COL4A3: variants seen among roughly 807,000 people sequenced by gnomAD.
COL4A3 encodes collagen type IV alpha 3 chain, also known as collagen alpha-3(IV) chain.
COL4A3 carries 135 observed loss-of-function variants against 217.4 expected under a neutral mutation model. The observed-to-expected ratio is 0.62, with a 90% CI of 0.54 to 0.72. COL4A3 has a LOEUF of 0.72. COL4A3 is among the 30% of genes least tolerant of loss of function. COL4A3 has a pLI of 0.00. For missense variants in COL4A3, 1,868 were observed against 2,119.9 expected, an observed-to-expected ratio of 0.88 and a Z score of 2.33; for synonymous variants, 690 against 736.3, an observed-to-expected ratio of 0.94 and a Z score of 1.02.
At chr2:227,292,117 T>A (rs2072780499) in intron 37 of COL4A3, among the ~76,000 whole-genome samples, 1 of 152,222 alleles carries the variant, frequency 6.6e-6, no homozygotes, top group Non-Finnish European at 1.5e-5. Context: ...TTCAACAGTA[T>A]ATGTATGACT....
intron 3 of COL4A3, among the ~76,000 whole-genome samples, chr2:227,243,207 C>T (rs908223568): frequency 2.0e-5 from 3 of 152,048 alleles, no homozygotes; most frequent in African/African-American, 7.2e-5. Flanking sequence ...GCAGGCATTC[C>T]AGAAGATTAA....
At chr2:227,296,408 T>C (rs2073030663) in intron 41 of COL4A3, 2 of 612,002 alleles carry the variant, frequency 3.3e-6, no homozygotes, top group Non-Finnish European at 4.1e-6. Context: ...AAAACGGTCA[T>C]ACCTTAGGTT....
At chr2:227,216,909 C>T (rs781045784) in intron 1 of COL4A3, among the ~76,000 whole-genome samples, 9 of 152,180 alleles carry the variant, frequency 5.9e-5, no homozygotes, top group Non-Finnish European at 1.2e-4. Flanking sequence ...AGAAATTGCA[C>T]TTCTATAGAC....
At position 227,263,923 on chromosome 2, in the gene COL4A3, C is replaced by G; in HGVS notation, c.1294C>G (p.Pro432Ala). Reference sequence around the variant, plus strand: ...TGGTTCACCAGGTCTTCCAGGATCACCGGGACCTCCAGGACCGCCAGGTAA... The same window carrying G: ...TGGTTCACCAGGTCTTCCAGGATCAGCGGGACCTCCAGGACCGCCAGGTAA... ...CAGSPGLPGSPGPPGPPGDIV... is the reference protein window; with the variant it reads ...CAGSPGLPGSAGPPGPPGDIV... The change falls in exon 21 of 52, where the codon CCG (proline) becomes GCG (alanine). Residue 432 changes from proline (P) to alanine (A), a missense_variant. Pro to Ala is a conservative substitution (Grantham distance 27, BLOSUM62 -1). Transcript: ENST00000396578. 1 of 1,614,156 alleles carries G rather than the reference C, an allele frequency of 6.2e-7. No homozygotes were observed. The highest frequency in any genetic ancestry group is 8.5e-7 in the Non-Finnish European group (1 of 1,180,014).
chr2:227,202,346 G>C (rs188462619), intron 1 of COL4A3, among the ~76,000 whole-genome samples: 30 of 152,116 alleles, frequency 2.0e-4, no homozygotes, highest in Admixed American at 1.3e-3. Flanking sequence ...TCCAACTATA[G>C]GTGTTTCTTG....
In COL4A3 at chr2:227,164,949, G is replaced by A. The variant is rs974783506; in HGVS notation, c.87+136G>A. On this transcript the variant is annotated intron_variant, in intron 1 of 51. Transcript: ENST00000396578. This position sits in a 1 kb window ranked among gnomAD's most constrained non-coding sequence, Gnocchi z 4.8. ...CTAGTGGCGAGGCTGAGGGCTTCAC[G>A]CAGGTCCCGGGACAGGCAGCGAGCG... 11 of 1,104,996 alleles carry A rather than the reference G, an allele frequency of 1.0e-5. No individual in the cohort carries two copies. The African/African-American group carries it at 1.7e-4, about 17-fold the overall frequency. 68.4% of individuals were successfully genotyped at this position (1,104,996 alleles called of 1,614,324 possible). A position where few individuals can be genotyped will look rare whatever the true frequency, so the allele number is the denominator to read the frequency against.
intron 1 of COL4A3, among the ~76,000 whole-genome samples, chr2:227,202,559 A>G (rs991183113): frequency 8.0e-5 from 12 of 150,798 alleles, no homozygotes; most frequent in Non-Finnish European, 1.3e-4. Context: ...CTTGGCTAAC[A>G]CGGTGAAACC....
chr2:227,302,706 A>AAAAAAAAAAAAAC (rs2073346361), intron 43 of COL4A3, among the ~76,000 whole-genome samples: 1 of 140,834 alleles, frequency 7.1e-6, no homozygotes, highest in Non-Finnish European at 1.5e-5. Context: ...AAAAAAAAAA[A>AAAAAAAAAAAAAC]TCATTCTGGC....
At chr2:227,209,609 G>A (rs2067237904) in intron 1 of COL4A3, among the ~76,000 whole-genome samples, 1 of 152,170 alleles carries the variant, frequency 6.6e-6, no homozygotes, top group South Asian at 2.1e-4. Context: ...GGAGGCTGAG[G>A]TGGGTAGATC....
At chr2:227,304,819 A>C (rs1188415774) in intron 46 of COL4A3, among the ~76,000 whole-genome samples, 166 bp from the exon 47 acceptor site, 5 of 152,226 alleles carry the variant, frequency 3.3e-5, no homozygotes, top group African/African-American at 1.2e-4. Flanking sequence ...AGTGGGGCTA[A>C]CAAGTTAGGT....
chr2:227,285,675 G>A (rs550905603), intron 34 of COL4A3, among the ~76,000 whole-genome samples: 4 of 152,238 alleles, frequency 2.6e-5, no homozygotes, highest in Middle Eastern at 3.4e-3. Flanking sequence ...GAAATTTGGC[G>A]CTCACAGTAT....
intron 1 of COL4A3, among the ~76,000 whole-genome samples, chr2:227,209,102 T>C (rs2067215378): frequency 6.6e-6 from 1 of 152,194 alleles, no homozygotes; most frequent in Non-Finnish European, 1.5e-5. Context: ...ACACAAAACA[T>C]GACTTGAGAA....
intron 21 of COL4A3, chr2:227,265,151 A>T (rs932299345): frequency 2.0e-5 from 3 of 152,232 alleles, no homozygotes; most frequent in Non-Finnish European, 4.4e-5. Context: ...AGGTACTCAG[A>T]TATTTTTTGA....
At position 227,253,744 on chromosome 2, in the gene COL4A3, A is replaced by T; in HGVS notation, c.765+106A>T. The T allele has an allele frequency of 1.0e-6, 1 of 1,000,232 alleles. No homozygotes were observed. Among genetic ancestry groups the T allele is most frequent in the Admixed American group, 1.7e-5 (1 of 58,912 alleles). The allele number at this position is 1,000,232 out of a possible 1,614,324, so 62.0% of individuals were successfully genotyped here. A position where few individuals can be genotyped will look rare whatever the true frequency, so the allele number is the denominator to read the frequency against. On this transcript the variant is annotated intron_variant, in intron 13 of 51. Coordinates refer to ENST00000396578, the MANE Select transcript of COL4A3 (RefSeq NM_000091.5). The surrounding 1 kb of genome is among the most constrained non-coding windows in gnomAD (Gnocchi z 4.4). Reference sequence around the variant, plus strand: ...AGCTCTTGTTATCTAAGTCCAGCTCAGCCCAGCTCCCTCAGCCAGCCAGAA... The same window carrying T: ...AGCTCTTGTTATCTAAGTCCAGCTCTGCCCAGCTCCCTCAGCCAGCCAGAA...
intron 1 of COL4A3, among the ~76,000 whole-genome samples, chr2:227,229,087 G>C (rs2068249986): frequency 6.6e-6 from 1 of 152,172 alleles, no homozygotes; most frequent in African/African-American, 2.4e-5. Flanking sequence ...TACGTCTCTG[G>C]AACTGGTGCC....
chr2:227,242,857 G>A (rs1270181456), intron 3 of COL4A3, among the ~76,000 whole-genome samples: 1 of 152,164 alleles, frequency 6.6e-6, no homozygotes, highest in African/African-American at 2.4e-5. Context: ...CTGTTTTCCA[G>A]TAATCCTGCC....
intron 1 of COL4A3, among the ~76,000 whole-genome samples, chr2:227,204,809 A>C (rs1021772141): frequency 6.6e-6 from 1 of 152,222 alleles, no homozygotes; most frequent in Non-Finnish European, 1.5e-5. Flanking sequence ...CTCAGAACAA[A>C]ACCTGTAATG....
At chr2:227,232,005 C>T (rs2068434893) in intron 1 of COL4A3, among the ~76,000 whole-genome samples, 1 of 152,190 alleles carries the variant, frequency 6.6e-6, no homozygotes, top group African/African-American at 2.4e-5. Flanking sequence ...TCTTTATGTC[C>T]CTGAGTTCAG....
chr2:227,236,743 T>C (rs1232542213), intron 1 of COL4A3, among the ~76,000 whole-genome samples: 1 of 150,908 alleles, frequency 6.6e-6, no homozygotes, highest in African/African-American at 2.4e-5. Flanking sequence ...CACTGCAACC[T>C]CCACCTCCTG....
Sources: gnomAD v4.1 joint callset for allele counts (sites outside exome capture counted in the v4.1 genomes callset) on GRCh38, gnomAD v4.1.1 for gene constraint, Gnocchi (gnomAD v3.1) non-coding constraint, MANE v1.5 for transcripts, NCBI Gene and HGNC (gene_info 2026-07-23, HGNC 2026-07-21) for gene names.